Variants in CSMD1 observed in about 807,000 individuals in gnomAD.
CSMD1 encodes the protein CUB and Sushi multiple domains 1, also known as CUB and sushi domain-containing protein 1.
In CSMD1, 213 loss-of-function variants were observed where a neutral mutation model predicts 417.5. That is an observed-to-expected ratio of 0.51 (90% CI 0.46 to 0.57). The LOEUF (loss-of-function observed/expected upper bound fraction) is 0.57. Ranked by LOEUF, CSMD1 falls within the 20% of genes least tolerant of loss-of-function variation. The pLI, the probability that CSMD1 is intolerant of heterozygous loss-of-function variation, is 0.00. For synonymous variants in CSMD1, 2,862 were observed against 1,736.8 expected (o/e 1.65, Z -16.11); for missense variants, 6,923 against 4,529.7 (o/e 1.53, Z -15.17).
chr8:3,357,766 G>A (rs1031898743), intron 21 of CSMD1, among the ~76,000 whole-genome samples: 14 of 151,770 alleles, frequency 9.2e-5, no homozygotes, highest in African/African-American at 3.4e-4. Flanking sequence ...GCAAAATACC[G>A]TATTTTTTTT....
chr8:4,778,903 A>G (rs1435670478), intron 1 of CSMD1, among the ~76,000 whole-genome samples: 1 of 152,236 alleles, frequency 6.6e-6, no homozygotes, highest in Non-Finnish European at 1.5e-5. Context: ...AATGATTAAC[A>G]TTTACAATAT....
chr8:3,243,328 C>T (rs1046128273), intron 26 of CSMD1, among the ~76,000 whole-genome samples: 1 of 152,152 alleles, frequency 6.6e-6, no homozygotes, highest in Non-Finnish European at 1.5e-5. Flanking sequence ...ATTTCACTCG[C>T]GTCCATGTGA....
chr8:4,720,397 A>G (rs1808975543), intron 1 of CSMD1, among the ~76,000 whole-genome samples: 2 of 152,082 alleles, frequency 1.3e-5, no homozygotes, highest in African/African-American at 2.4e-5. Flanking sequence ...CAAAACTATC[A>G]GCTACTACTT....
Position 3,204,915 on chromosome 8 carries a change from G to A in CSMD1, c.4984+589C>T, listed in dbSNP as rs1180905943. 2.0e-5 allele frequency among the ~76,000 whole-genome samples: 3 copies of A among 152,310 alleles called. 1 individual carries two copies. The South Asian group carries it at 6.2e-4, about 32-fold the overall frequency. On this transcript the variant is annotated intron_variant, in intron 31 of 69. Coordinates refer to ENST00000635120, the MANE Select transcript of CSMD1 (RefSeq NM_033225.6). ...AGAGTGAGCATTGCATAAATGAAGT[G>A]CAGAGCGACCAGGGAAGGCCCTTCT...
intron 23 of CSMD1, among the ~76,000 whole-genome samples, chr8:3,316,381 A>ATAAAAC (rs1183036649): frequency 6.6e-6 from 1 of 152,236 alleles, no homozygotes; most frequent in Non-Finnish European, 1.5e-5. Flanking sequence ...GAAGAGTAAA[A>ATAAAAC]TAAAACGGCT....
intron 7 of CSMD1, among the ~76,000 whole-genome samples, chr8:3,660,989 A>C (rs1798388905): frequency 6.6e-6 from 1 of 152,168 alleles, no homozygotes; most frequent in African/African-American, 2.4e-5. Flanking sequence ...GGCAGAGGTG[A>C]GCGCCAGCAC....
intron 59 of CSMD1, among the ~76,000 whole-genome samples, chr8:2,964,984 G>GAATGCCATC (rs1318578129): frequency 6.6e-6 from 1 of 152,178 alleles, no homozygotes; most frequent in African/African-American, 2.4e-5. Context: ...ATAAGGAGGA[G>GAATGCCATC]AATGCCATCT....
At chr8:4,264,214 A>G (rs1319128885) in intron 3 of CSMD1, among the ~76,000 whole-genome samples, 5 of 151,984 alleles carry the variant, frequency 3.3e-5, no homozygotes, top group Non-Finnish European at 7.3e-5. Flanking sequence ...CGTGACTACA[A>G]TTAATTATTA....
intron 12 of CSMD1, among the ~76,000 whole-genome samples, chr8:3,435,648 T>C (rs990400979): frequency 1.3e-5 from 2 of 152,212 alleles, no homozygotes; most frequent in African/African-American, 4.8e-5. Context: ...AGGCAACTCC[T>C]CTCACCTGCA....
chr8:2,971,532 T>C (rs997201975), intron 57 of CSMD1, among the ~76,000 whole-genome samples: 6 of 152,170 alleles, frequency 3.9e-5, no homozygotes, highest in African/African-American at 1.4e-4. Flanking sequence ...CAATGTCTCT[T>C]TTCAGTGCCT....
chr8:4,043,855 T>G (rs986548323), intron 3 of CSMD1, among the ~76,000 whole-genome samples: 2 of 152,178 alleles, frequency 1.3e-5, no homozygotes, highest in African/African-American at 4.8e-5. Context: ...ACAAAAATGA[T>G]GAGACACAGA....
chr8:4,592,544 G>A (rs1006529479), intron 2 of CSMD1, among the ~76,000 whole-genome samples: 8 of 151,728 alleles, frequency 5.3e-5, no homozygotes, highest in Non-Finnish European at 1.0e-4. Context: ...CGGCCACCAC[G>A]CCCAGCTAAT....
At chr8:3,833,774 T>C (rs1055184476) in intron 5 of CSMD1, among the ~76,000 whole-genome samples, 1 of 152,168 alleles carries the variant, frequency 6.6e-6, no homozygotes, top group Admixed American at 6.5e-5. Flanking sequence ...GGTTCTCTTC[T>C]CTTGGTAAAC....
chr8:2,949,180 T>C (rs1165242771), intron 68 of CSMD1, 119 bp downstream of exon 68: 1 of 610,822 alleles, frequency 1.6e-6, no homozygotes, highest in Non-Finnish European at 2.9e-6. Context: ...AATATGTTAG[T>C]CTCTCTCATT....
In CSMD1 at chr8:3,250,421, G is replaced by C. The variant is rs190279626; in HGVS notation, c.4154-20190C>G. On this transcript the variant is annotated intron_variant, in intron 26 of 69. Transcript: ENST00000635120. Reference sequence around the variant, plus strand: ...TTTTATGGCTGGATAGTATTCCATGGTATATATGTGCCACATTTTCTTAAT... The same window carrying C: ...TTTTATGGCTGGATAGTATTCCATGCTATATATGTGCCACATTTTCTTAAT... Among the ~76,000 whole-genome samples, 988 of 152,284 alleles carry C rather than the reference G, an allele frequency of 6.5e-3. 15 individuals are homozygous for C. The highest frequency in any genetic ancestry group is 0.023 in the African/African-American group (956 of 41,558).
At chr8:3,425,210 A>G (rs909597532) in intron 12 of CSMD1, among the ~76,000 whole-genome samples, 1 of 152,224 alleles carries the variant, frequency 6.6e-6, no homozygotes, top group Non-Finnish European at 1.5e-5. Context: ...TAGAGAAAGC[A>G]TAATACATAT....
intron 12 of CSMD1, among the ~76,000 whole-genome samples, chr8:3,421,708 G>C (rs1424024712): frequency 6.6e-6 from 1 of 152,074 alleles, no homozygotes; most frequent in Non-Finnish European, 1.5e-5. Flanking sequence ...TGTAATCTTG[G>C]CTCGCTACAA....
chr8:4,401,453 T>A (rs1804637521), intron 3 of CSMD1, among the ~76,000 whole-genome samples: 1 of 152,104 alleles, frequency 6.6e-6, no homozygotes, highest in Non-Finnish European at 1.5e-5. Flanking sequence ...CATAGGTAAT[T>A]TCAAGCTTCC....
Position 3,284,350 on chromosome 8 carries a change from C to A in CSMD1, c.3951-4G>T. On this transcript the variant is annotated splice_polypyrimidine_tract_variant and splice_region_variant and intron_variant, in intron 25 of 69. Coordinates refer to ENST00000635120, the MANE Select transcript of CSMD1 (RefSeq NM_033225.6). ...GTCGAAAACAATGAAATGGAGGCTG[C>A]AAGAGAGAACACAGTAGCGCTACTT... 1 of 1,610,022 alleles carries A rather than the reference C, an allele frequency of 6.2e-7. No individual in the cohort carries two copies. The highest frequency in any genetic ancestry group is 8.5e-7 in the Non-Finnish European group (1 of 1,177,134).
Sources: gnomAD v4.1 joint callset for allele counts (sites outside exome capture counted in the v4.1 genomes callset) on GRCh38, gnomAD v4.1.1 for gene constraint, MANE v1.5 for transcripts, NCBI Gene and HGNC (gene_info 2026-07-23, HGNC 2026-07-21) for gene names.